The following HHIPL1 variants were observed in gnomAD, a reference collection of about 807,000 sequenced individuals.
HHIPL1 encodes HHIP like 1, also known as HHIP-like protein 1.
Under a neutral mutation model 61.8 loss-of-function variants are expected in HHIPL1, and 43 were observed. That is an observed-to-expected ratio of 0.70 (90% CI 0.55 to 0.90). HHIPL1 has a LOEUF of 0.90. Among genes scored for constraint, HHIPL1 ranks in the 40% least tolerant of loss-of-function variants. HHIPL1 has a pLI of 0.00. For synonymous variants in HHIPL1, 482 were observed against 515.8 expected, an observed-to-expected ratio of 0.93 and a Z score of 0.89; for missense variants, 1,056 against 1,157.7, an observed-to-expected ratio of 0.91 and a Z score of 1.28.
At chr14:99,617,228 C>T in the HHIPL1 span, among the ~76,000 whole-genome samples, 4 of 152,164 alleles carry the variant, frequency 2.6e-5, no homozygotes, top group African/African-American at 9.7e-5. Context: ...TACAAGAAAC[C>T]GTCATTGACC....
At chr14:99,610,119 C>T in the HHIPL1 span, among the ~76,000 whole-genome samples, 3 of 152,198 alleles carry the variant, frequency 2.0e-5, no homozygotes, top group African/African-American at 7.2e-5. Flanking sequence ...CCGCCTGCCC[C>T]TTTAGCTGCT....
chr14:99,668,912 T>C lies in HHIPL1; in HGVS notation c.1730+609T>C, dbSNP rs147233029. On this transcript the variant is annotated intron_variant, in intron 7 of 8. Coordinates refer to ENST00000330710, the MANE Select transcript of HHIPL1 (RefSeq NM_001127258.3). This position sits in a 1 kb window ranked among gnomAD's most constrained non-coding sequence, Gnocchi z 4.7. ...TCATTGACGTCTCAGCCGTTCATTT[T>C]ACAGTGGTGGAAATGAGCACAAAGA... The C allele has an allele frequency of 5.0e-5, 80 of 1,613,192 alleles. 1 individual carries two copies. The African/African-American group carries it at 6.3e-4, about 13-fold the overall frequency.
intron 1 of HHIPL1, among the ~76,000 whole-genome samples, chr14:99,650,036 A>G (rs1349062532): frequency 1.3e-5 from 2 of 152,206 alleles, no homozygotes; most frequent in South Asian, 4.1e-4. Flanking sequence ...CTGGGACAGT[A>G]ACTGACCAGG....
At chr14:99,642,072 T>G (rs1461662741), upstream of HHIPL1, among the ~76,000 whole-genome samples, 1 of 152,080 alleles carries the variant, frequency 6.6e-6, no homozygotes, top group African/African-American at 2.4e-5. Flanking sequence ...CCCGAGTAGC[T>G]GGGATTACAG....
Position 99,668,895 on chromosome 14 carries a change from G to C in HHIPL1, c.1730+592G>C, listed in dbSNP as rs745872004. 1.9e-6 allele frequency: 3 copies of C among 1,613,934 alleles called. No homozygotes were observed. The highest frequency in any genetic ancestry group is 2.5e-6 in the Non-Finnish European group (3 of 1,179,888). On this transcript the variant is annotated intron_variant, in intron 7 of 8. Transcript: ENST00000330710. This position sits in a 1 kb window ranked among gnomAD's most constrained non-coding sequence, Gnocchi z 4.7. Reference sequence around the variant, plus strand: ...CTCCTTCCGTGTGCAGCTCATTGACGTCTCAGCCGTTCATTTTACAGTGGT... The same window carrying C: ...CTCCTTCCGTGTGCAGCTCATTGACCTCTCAGCCGTTCATTTTACAGTGGT...
intron 5 of HHIPL1, among the ~76,000 whole-genome samples, chr14:99,662,641 A>C (rs1320090009): frequency 6.6e-6 from 1 of 152,108 alleles, no homozygotes; most frequent in Non-Finnish European, 1.5e-5. Flanking sequence ...TTGAATTCTT[A>C]ATATGTTTTG....
the HHIPL1 span, among the ~76,000 whole-genome samples, chr14:99,606,452 C>A: frequency 6.6e-6 from 1 of 152,312 alleles, no homozygotes; most frequent in African/African-American, 2.4e-5. Context: ...GAAGCGTAAA[C>A]GTTGGATACA....
the HHIPL1 span, among the ~76,000 whole-genome samples, chr14:99,607,047 TG>T: frequency 1.4e-5 from 2 of 143,176 alleles, no homozygotes; most frequent in African/African-American, 5.2e-5. Flanking sequence ...TTTTTTTTTT[TG>T]GCTAAGACAG....
rs1481169534 is a variant in HHIPL1, at chr14:99,677,405, G to T, written c.*1779G>T. On this transcript the variant is annotated 3_prime_UTR_variant, in exon 9 of 9. Transcript: ENST00000330710. The surrounding 1 kb of genome is among the most constrained non-coding windows in gnomAD (Gnocchi z 4.3). Reference sequence around the variant, plus strand: ...ATGGAGATCCCTGGGGGCTCCTCTTGCCTGGCAGGTGCCCCCGCTGCTGGC... The same window carrying T: ...ATGGAGATCCCTGGGGGCTCCTCTTTCCTGGCAGGTGCCCCCGCTGCTGGC... 6.6e-6 allele frequency: 1 copy of T among 152,300 alleles called. No homozygotes were observed. The highest frequency in any genetic ancestry group is 1.5e-5 in the Non-Finnish European group (1 of 68,096). The allele number at this position is 152,300 out of a possible 1,614,324, so 9.4% of individuals were successfully genotyped here.
the HHIPL1 span, among the ~76,000 whole-genome samples, chr14:99,607,709 C>T: frequency 4.6e-3 from 698 of 152,094 alleles, 4 homozygotes; most frequent in African/African-American, 0.016. Flanking sequence ...AGCTCCAACC[C>T]CAGAGGCAGT....
At chr14:99,674,045 T>G (rs1595172752) in intron 8 of HHIPL1, among the ~76,000 whole-genome samples, 1 of 151,584 alleles carries the variant, frequency 6.6e-6, no homozygotes, top group Non-Finnish European at 1.5e-5. Flanking sequence ...GGGGCCAGGG[T>G]GCAGGGACAG....
the HHIPL1 span, among the ~76,000 whole-genome samples, chr14:99,628,185 T>C: frequency 6.6e-6 from 1 of 152,158 alleles, no homozygotes; most frequent in African/African-American, 2.4e-5. Context: ...CCAGGTAGCA[T>C]GGCAAAGGGC....
chr14:99,619,276 C>G, the HHIPL1 span, among the ~76,000 whole-genome samples: 1 of 152,000 alleles, frequency 6.6e-6, no homozygotes, highest in Non-Finnish European at 1.5e-5. Context: ...GCCTGGCCAA[C>G]ATAGTGAAAC....
intron 1 of HHIPL1, among the ~76,000 whole-genome samples, chr14:99,651,339 C>T (rs2140058076): frequency 6.6e-6 from 1 of 152,256 alleles, no homozygotes; most frequent in East Asian, 1.9e-4. Flanking sequence ...GCTCACAGTT[C>T]TGCAGGATGT....
At chr14:99,645,601 G>T in intron 1 of HHIPL1, 139 bp downstream of exon 1, 1 of 960,720 alleles carries the variant, frequency 1.0e-6, no homozygotes, top group Non-Finnish European at 1.3e-6. Flanking sequence ...GAGTCATTTG[G>T]CACGGGGCGG....
rs2056425973 is a variant in HHIPL1 at position 99,680,086 on chromosome 14, T to A, written c.*4460T>A. ...CCTGTTTTCCAGATGAGGGGACAGA[T>A]TCCTAGGGTGTTATGTAAGTGGTCC... On this transcript the variant is annotated 3_prime_UTR_variant, in exon 9 of 9. Transcript: ENST00000330710. 6.6e-6 allele frequency: 1 copy of A among 152,142 alleles called. No individual in the cohort carries two copies. Among genetic ancestry groups the A allele is most frequent in the Admixed American group, 6.5e-5 (1 of 15,268 alleles). 9.4% of individuals were successfully genotyped at this position (152,142 alleles called of 1,614,324 possible).
In HHIPL1 at chr14:99,668,998, C is replaced by G; in HGVS notation, c.1730+695C>G. 6.4e-7 allele frequency: 1 copy of G among 1,551,724 alleles called. No individual in the cohort carries two copies. Among genetic ancestry groups the G allele is most frequent in the South Asian group, 1.2e-5 (1 of 86,414 alleles). On this transcript the variant is annotated intron_variant, in intron 7 of 8. Transcript: ENST00000330710. The surrounding 1 kb of genome is among the most constrained non-coding windows in gnomAD (Gnocchi z 4.7). The stretch of plus-strand genomic sequence containing the variant: ...GGGGCCCAGGCCACTGGCTCCAGAG[C>G]CCTGCCCTAACCCCTTGGCTGTGTG...
chr14:99,671,457 T>C (rs2056325631), intron 7 of HHIPL1, among the ~76,000 whole-genome samples: 1 of 152,188 alleles, frequency 6.6e-6, no homozygotes, highest in African/African-American at 2.4e-5. Flanking sequence ...CAAAGACCCT[T>C]GTCCCTCTTT....
At chr14:99,612,241 C>T in the HHIPL1 span, among the ~76,000 whole-genome samples, 6 of 152,142 alleles carry the variant, frequency 3.9e-5, no homozygotes, top group Non-Finnish European at 1.5e-5. Context: ...AACTCACTGA[C>T]GATGAGAGAA....
Sources: allele counts gnomAD v4.1 joint callset (sites outside exome capture counted in the v4.1 genomes callset), GRCh38; gene constraint gnomAD v4.1.1; non-coding constraint Gnocchi (gnomAD v3.1); transcripts MANE v1.5; gene names NCBI Gene and HGNC (gene_info 2026-07-23, HGNC 2026-07-21).